ELAPOR1: variants seen among roughly 807,000 people sequenced by gnomAD.
The protein encoded by ELAPOR1 is endosome-lysosome associated apoptosis and autophagy regulator 1.
ELAPOR1 carries 77 observed loss-of-function variants against 119.7 expected under a neutral mutation model. The observed-to-expected ratio is 0.64, with a 90% CI of 0.54 to 0.78. ELAPOR1 has a LOEUF of 0.78. Among genes scored for constraint, ELAPOR1 ranks in the 30% least tolerant of loss-of-function variants. ELAPOR1 has a pLI of 0.00. For missense variants in ELAPOR1, 1,115 were observed against 1,270.4 expected (o/e 0.88, Z 1.86); for synonymous variants, 481 against 487.2 (o/e 0.99, Z 0.17).
intron 3 of ELAPOR1, among the ~76,000 whole-genome samples, chr1:109,166,854 C>T (rs2101049668): frequency 6.6e-6 from 1 of 152,144 alleles, no homozygotes; most frequent in East Asian, 1.9e-4. Flanking sequence ...CACTTATACC[C>T]AAACAATCAA....
intron 3 of ELAPOR1, among the ~76,000 whole-genome samples, chr1:109,167,240 G>A (rs377648215): frequency 4.6e-5 from 7 of 152,142 alleles, no homozygotes; most frequent in East Asian, 1.9e-4. Flanking sequence ...TGCACCGAGA[G>A]TCCAGAAATC....
At chr1:109,190,404 G>C (rs896429654) in intron 11 of ELAPOR1, among the ~76,000 whole-genome samples, 10 of 152,202 alleles carry the variant, frequency 6.6e-5, no homozygotes, top group Admixed American at 6.5e-5. Flanking sequence ...TCAGGCAAAT[G>C]GCTAAAGCCA....
At position 109,185,042 on chromosome 1, in the gene ELAPOR1, T is replaced by A; in HGVS notation, c.953-3T>A. On this transcript the variant is annotated splice_polypyrimidine_tract_variant and splice_region_variant and intron_variant, in intron 7 of 21. Coordinates refer to ENST00000369939, the MANE Select transcript of ELAPOR1 (RefSeq NM_020775.5). ...AATATTTCTTCTTGCTTTGGCAATT[T>A]AGAGAAAGGATCTTCTTCCTGTAAC... is the stretch of plus-strand genomic sequence containing the variant. 6.2e-7 allele frequency: 1 copy of A among 1,613,072 alleles called. No homozygotes were observed. The highest frequency in any genetic ancestry group is 8.5e-7 in the Non-Finnish European group (1 of 1,179,006).
intron 1 of ELAPOR1, among the ~76,000 whole-genome samples, chr1:109,143,492 T>C (rs966360438): frequency 3.9e-5 from 6 of 152,102 alleles, no homozygotes; most frequent in African/African-American, 1.4e-4. Flanking sequence ...GAATATGAAA[T>C]ATGAAAATAA....
intron 18 of ELAPOR1, 113 bp from the exon 19 acceptor site, chr1:109,199,741 G>T: frequency 8.0e-7 from 1 of 1,255,470 alleles, no homozygotes; most frequent in Non-Finnish European, 1.1e-6. Context: ...TAGGGCTAAT[G>T]GTTTGGGCAG....
At chr1:109,200,947 G>C in intron 21 of ELAPOR1, 47 bp downstream of exon 21, 1 of 1,572,030 alleles carries the variant, frequency 6.4e-7, no homozygotes, top group South Asian at 1.2e-5. Context: ...AGGGCTGGAG[G>C]AGACACTGCT....
At chr1:109,201,873 G>A (rs1432244076) in intron 21 of ELAPOR1, among the ~76,000 whole-genome samples, 1 of 152,160 alleles carries the variant, frequency 6.6e-6, no homozygotes, top group East Asian at 1.9e-4. Context: ...GCCCAGGCTG[G>A]AGGATCTCTT....
At chr1:109,165,201 A>C (rs1399008795) in intron 3 of ELAPOR1, among the ~76,000 whole-genome samples, 2 of 152,200 alleles carry the variant, frequency 1.3e-5, no homozygotes, top group African/African-American at 4.8e-5. Flanking sequence ...CTGAGGCAAG[A>C]GGATAACTTG....
chr1:109,164,786 G>A (rs550690819), intron 3 of ELAPOR1, 95 bp downstream of exon 3: 1,030 of 1,258,502 alleles, frequency 8.2e-4, no homozygotes, highest in Non-Finnish European at 7.6e-4. Context: ...CTCAGGCTGG[G>A]CAGGGAGGAT....
chr1:109,184,575 A>C (rs1652933147), intron 7 of ELAPOR1, among the ~76,000 whole-genome samples: 1 of 152,216 alleles, frequency 6.6e-6, no homozygotes, highest in Non-Finnish European at 1.5e-5. Context: ...ATGAGTATGA[A>C]AGCAAAATCA....
intron 1 of ELAPOR1, among the ~76,000 whole-genome samples, chr1:109,155,845 T>C (rs1650842071): frequency 6.6e-6 from 1 of 152,146 alleles, no homozygotes; most frequent in Admixed American, 6.5e-5. Context: ...ATTTGGATGG[T>C]GATTAAAATA....
intron 20 of ELAPOR1, 110 bp from the exon 21 acceptor site, chr1:109,200,625 C>G: frequency 9.9e-7 from 1 of 1,013,246 alleles, no homozygotes; most frequent in East Asian, 2.5e-5. Flanking sequence ...GCTTCAGTCT[C>G]CTTACCCATG....
In ELAPOR1 at chr1:109,197,688, A is replaced by AGTGT. The variant is rs5776967; in HGVS notation, c.2302+57_2302+60dup. On this transcript the variant is annotated intron_variant, in intron 16 of 21. Coordinates refer to ENST00000369939, the MANE Select transcript of ELAPOR1 (RefSeq NM_020775.5). ...CTCCGCTGCCTCAGCCTTGTTTGAG[A>AGTGT]GTGTGTGTGTGTGTGTGTGTGTGTG... is the stretch of plus-strand genomic sequence containing the variant. The AGTGT allele has an allele frequency of 9.3e-4, 1,269 of 1,366,562 alleles. 2 individuals are homozygous for AGTGT. The highest frequency in any genetic ancestry group is 4.9e-3 in the African/African-American group (336 of 68,634). The allele number at this position is 1,366,562 out of a possible 1,614,324, so 84.7% of individuals were successfully genotyped here. A position where few individuals can be genotyped will look rare whatever the true frequency, so the allele number is the denominator to read the frequency against.
intron 1 of ELAPOR1, among the ~76,000 whole-genome samples, chr1:109,137,703 T>C (rs1649565804): frequency 6.6e-6 from 1 of 151,454 alleles, no homozygotes. Flanking sequence ...TAATTTTGTA[T>C]TTTTAGTAGA....
intron 1 of ELAPOR1, among the ~76,000 whole-genome samples, chr1:109,117,354 C>T (rs909092931): frequency 2.6e-5 from 4 of 152,208 alleles, no homozygotes; most frequent in Non-Finnish European, 5.9e-5. Context: ...AGGAGCATTT[C>T]CCAAGGTGCA....
At chr1:109,201,089 C>A (rs538700157) in intron 21 of ELAPOR1, among the ~76,000 whole-genome samples, 189 bp downstream of exon 21, 3 of 152,208 alleles carry the variant, frequency 2.0e-5, no homozygotes, top group African/African-American at 4.8e-5. Context: ...CTCTTTCCCC[C>A]GGGGCCCAAG....
At chr1:109,186,468 C>G in intron 8 of ELAPOR1, 1 of 984,812 alleles carries the variant, frequency 1.0e-6, no homozygotes, top group Non-Finnish European at 1.2e-6. Flanking sequence ...CCTTTCCTAA[C>G]TAAGCATGGG....
At chr1:109,159,415 G>A (rs1651104874) in intron 1 of ELAPOR1, among the ~76,000 whole-genome samples, 1 of 152,204 alleles carries the variant, frequency 6.6e-6, no homozygotes, top group Non-Finnish European at 1.5e-5. Flanking sequence ...AAAAGTAATG[G>A]ATTTGGCCCA....
At chr1:109,120,781 C>T (rs992887993) in intron 1 of ELAPOR1, among the ~76,000 whole-genome samples, 19 of 152,112 alleles carry the variant, frequency 1.2e-4, no homozygotes, top group African/African-American at 4.3e-4. Flanking sequence ...GTTTTGTAAT[C>T]TGATGTGTCG....
Sources: allele counts gnomAD v4.1 joint callset (sites outside exome capture counted in the v4.1 genomes callset), GRCh38; gene constraint gnomAD v4.1.1; transcripts MANE v1.5; gene names NCBI Gene and HGNC (gene_info 2026-07-23, HGNC 2026-07-21).